Variants in FRMD4B observed in about 807,000 individuals in gnomAD.
FRMD4B encodes FERM domain containing 4B.
A neutral mutation model predicts 141.5 loss-of-function variants in FRMD4B; 74 were observed. The ratio of observed to expected loss-of-function variants is 0.52; its 90% CI spans 0.43 to 0.63. The LOEUF is 0.63. Ranked by LOEUF, FRMD4B falls within the 30% of genes least tolerant of loss-of-function variation. The pLI is 0.00. For missense variants in FRMD4B, 1,366 were observed against 1,253.4 expected (o/e 1.09, Z -1.36); for synonymous variants, 506 against 467.9 (o/e 1.08, Z -1.05).
At chr3:69,456,832 T>C (rs1338341734) in intron 1 of FRMD4B, among the ~76,000 whole-genome samples, 2 of 151,884 alleles carry the variant, frequency 1.3e-5, no homozygotes, top group African/African-American at 4.8e-5. Flanking sequence ...AAAGTTTTAT[T>C]GGAGCACAGC....
intron 1 of FRMD4B, among the ~76,000 whole-genome samples, chr3:69,534,343 A>AT (rs1267549436): frequency 2.6e-5 from 4 of 152,102 alleles, no homozygotes; most frequent in Admixed American, 6.6e-5. Flanking sequence ...GTCTAGGTGA[A>AT]TTTTTTTTCT....
chr3:69,238,386 CT>C (rs2093360730), intron 7 of FRMD4B, among the ~76,000 whole-genome samples: 1 of 152,172 alleles, frequency 6.6e-6, no homozygotes, highest in African/African-American at 2.4e-5. Flanking sequence ...CTTTGTGAGC[CT>C]GCATTTCCAT....
chr3:69,467,972 A>G (rs1705823084), intron 1 of FRMD4B, among the ~76,000 whole-genome samples: 1 of 152,222 alleles, frequency 6.6e-6, no homozygotes, highest in East Asian at 1.9e-4. Flanking sequence ...TACCCTGAAA[A>G]GTTTCAGTCA....
intron 1 of FRMD4B, among the ~76,000 whole-genome samples, chr3:69,330,645 G>A (rs552756716): frequency 1.0e-4 from 15 of 149,636 alleles, no homozygotes; most frequent in Admixed American, 2.7e-4. Context: ...GTGCCTGGCC[G>A]CCTTTTTTTT....
chr3:69,406,146 T>C (rs750211352), intron 2 of FRMD4B, among the ~76,000 whole-genome samples: 3 of 152,194 alleles, frequency 2.0e-5, no homozygotes, highest in Non-Finnish European at 2.9e-5. Context: ...TTTCCACAAA[T>C]CGAACACAAA....
chr3:69,172,067 T>C, intron 22 of FRMD4B, 86 bp from the exon 23 acceptor site: 1 of 1,296,622 alleles, frequency 7.7e-7, no homozygotes, highest in Non-Finnish European at 1.1e-6. Flanking sequence ...AAGAAGTTAG[T>C]AGGAAGCACT....
intron 11 of FRMD4B, among the ~76,000 whole-genome samples, chr3:69,206,991 T>C (rs2093029829): frequency 6.6e-6 from 1 of 152,118 alleles, no homozygotes; most frequent in Non-Finnish European, 1.5e-5. Context: ...CAGCCAATCA[T>C]TGGTCACAAG....
intron 1 of FRMD4B, among the ~76,000 whole-genome samples, chr3:69,454,946 G>A (rs542155014): frequency 9.9e-5 from 15 of 152,188 alleles, no homozygotes; most frequent in Non-Finnish European, 1.8e-4. Flanking sequence ...TTGTGTATGC[G>A]CCCATCAGCA....
At chr3:69,427,074 T>G (rs1037068148) in intron 2 of FRMD4B, among the ~76,000 whole-genome samples, 1 of 152,024 alleles carries the variant, frequency 6.6e-6, no homozygotes, top group Non-Finnish European at 1.5e-5. Flanking sequence ...GAGAGAAAAT[T>G]AAGTTTTGTC....
At chr3:69,207,362 T>G (rs183100417) in intron 11 of FRMD4B, among the ~76,000 whole-genome samples, 4 of 151,644 alleles carry the variant, frequency 2.6e-5, no homozygotes, top group African/African-American at 9.7e-5. Context: ...TGTTTATGCC[T>G]CTTCATAGAA....
chr3:69,454,649 T>C (rs1705558403), intron 1 of FRMD4B, among the ~76,000 whole-genome samples: 1 of 152,180 alleles, frequency 6.6e-6, no homozygotes, highest in African/African-American at 2.4e-5. Flanking sequence ...ACTCTAATTC[T>C]GGCCAGGCCT....
intron 1 of FRMD4B, among the ~76,000 whole-genome samples, chr3:69,464,069 C>T (rs1027543128): frequency 3.3e-5 from 5 of 152,186 alleles, no homozygotes; most frequent in African/African-American, 1.2e-4. Flanking sequence ...AACTCGTACC[C>T]ATTCAAACAT....
intron 1 of FRMD4B, among the ~76,000 whole-genome samples, chr3:69,441,259 CT>C (rs553459378): frequency 1.3e-5 from 2 of 152,076 alleles, no homozygotes; most frequent in African/African-American, 2.4e-5. Context: ...GTTTTCTTTA[CT>C]TTTTTTTCTA....
intron 4 of FRMD4B, among the ~76,000 whole-genome samples, chr3:69,291,883 A>T (rs1011827825): frequency 6.8e-6 from 1 of 146,708 alleles, no homozygotes; most frequent in East Asian, 2.1e-4. Flanking sequence ...CATGCTAGGG[A>T]TAATACAAAG....
At chr3:69,237,337 T>C (rs984490718) in intron 7 of FRMD4B, among the ~76,000 whole-genome samples, 2 of 152,184 alleles carry the variant, frequency 1.3e-5, no homozygotes, top group Admixed American at 1.3e-4. Flanking sequence ...TAAACCTTTC[T>C]TGATTTAAAC....
intron 1 of FRMD4B, among the ~76,000 whole-genome samples, chr3:69,317,413 A>C (rs1402456441): frequency 6.6e-6 from 1 of 152,110 alleles, no homozygotes; most frequent in Non-Finnish European, 1.5e-5. Flanking sequence ...GAGAAAAGGA[A>C]AGCCACCTGC....
chr3:69,379,610 T>C (rs1298517643), intron 1 of FRMD4B, among the ~76,000 whole-genome samples: 1 of 152,254 alleles, frequency 6.6e-6, no homozygotes, highest in Non-Finnish European at 1.5e-5. Flanking sequence ...AATTTTTCCA[T>C]ATTCCTTTAA....
At chr3:69,212,242 C>T (rs1477185564) in intron 11 of FRMD4B, among the ~76,000 whole-genome samples, 1 of 150,882 alleles carries the variant, frequency 6.6e-6, no homozygotes, top group Non-Finnish European at 1.5e-5. Flanking sequence ...CACCTGTAAT[C>T]CCAGCTTCTC....
At chr3:69,220,597 A>T (rs1202545829) in intron 9 of FRMD4B, among the ~76,000 whole-genome samples, 1 of 152,200 alleles carries the variant, frequency 6.6e-6, no homozygotes, top group East Asian at 1.9e-4. Flanking sequence ...CATGTCTATA[A>T]TCCCAGCATT....
Sources: gnomAD v4.1 joint callset for allele counts (sites outside exome capture counted in the v4.1 genomes callset) on GRCh38, gnomAD v4.1.1 for gene constraint, MANE v1.5 for transcripts, NCBI Gene and HGNC (gene_info 2026-07-23, HGNC 2026-07-21) for gene names.